RRAS2: variants seen among roughly 807,000 people sequenced by gnomAD.
RRAS2 encodes the protein ras-related protein R-Ras2.
RRAS2 carries 7 observed loss-of-function variants against 27.6 expected under a neutral mutation model. That is an observed-to-expected ratio of 0.25 (90% CI 0.14 to 0.48). RRAS2 has a LOEUF of 0.48. Ranked by LOEUF, RRAS2 falls within the 20% of genes least tolerant of loss-of-function variation. RRAS2 has a pLI of 0.99. For synonymous variants in RRAS2, 86 were observed against 90.9 expected, an observed-to-expected ratio of 0.95 and a Z score of 0.31; for missense variants, 178 against 256.2, an observed-to-expected ratio of 0.69 and a Z score of 2.08.
intron 1 of RRAS2, among the ~76,000 whole-genome samples, chr11:14,353,705 G>A (rs2030984709): frequency 6.6e-6 from 1 of 151,888 alleles, no homozygotes; most frequent in Admixed American, 6.6e-5. Flanking sequence ...AAGAGAAAGA[G>A]AATGAACAAA....
intron 5 of RRAS2, 92 bp downstream of exon 5, chr11:14,281,510 C>G (rs1849534890): frequency 1.0e-6 from 1 of 991,360 alleles, no homozygotes; most frequent in Non-Finnish European, 1.5e-6. Context: ...GCATTAATCC[C>G]TAGAAAGGAA....
intron 1 of RRAS2, among the ~76,000 whole-genome samples, chr11:14,304,587 C>T (rs1263391713): frequency 6.6e-6 from 1 of 152,218 alleles, no homozygotes; most frequent in Non-Finnish European, 1.5e-5. Flanking sequence ...GATTTACATG[C>T]TCAAGGTTTT....
chr11:14,336,087 T>C (rs1848583496), intron 1 of RRAS2, among the ~76,000 whole-genome samples: 2 of 152,132 alleles, frequency 1.3e-5, no homozygotes, highest in Admixed American at 1.3e-4. Context: ...AAGACTTTCA[T>C]CCCAACTGGC....
At chr11:14,329,112 T>C (rs1214728409) in intron 1 of RRAS2, among the ~76,000 whole-genome samples, 4 of 151,018 alleles carry the variant, frequency 2.6e-5, no homozygotes, top group African/African-American at 7.3e-5. Context: ...TATACATATA[T>C]ATATATATTT....
At chr11:14,314,168 T>C (rs1554949239) in intron 1 of RRAS2, among the ~76,000 whole-genome samples, 1 of 152,240 alleles carries the variant, frequency 6.6e-6, no homozygotes, top group East Asian at 1.9e-4. Context: ...GTTCAAATAA[T>C]GTCCATCATT....
intron 1 of RRAS2, among the ~76,000 whole-genome samples, chr11:14,346,227 T>G (rs1053708409): frequency 6.6e-6 from 1 of 152,164 alleles, no homozygotes; most frequent in African/African-American, 2.4e-5. Context: ...ATTAGCTAAC[T>G]TAAAACAATG....
chr11:14,329,580 G>A (rs142160795), intron 1 of RRAS2, among the ~76,000 whole-genome samples: 1 of 152,266 alleles, frequency 6.6e-6, no homozygotes, highest in South Asian at 2.1e-4. Flanking sequence ...TATATAAGCT[G>A]TAGGTCCCCT....
intron 1 of RRAS2, among the ~76,000 whole-genome samples, chr11:14,299,128 C>T (rs1591452768): frequency 1.3e-5 from 2 of 152,272 alleles, no homozygotes; most frequent in Admixed American, 1.3e-4. Context: ...CCAAGGCATG[C>T]TGATTAATAA....
At chr11:14,310,854 A>C (rs962424064) in intron 1 of RRAS2, among the ~76,000 whole-genome samples, 2 of 152,136 alleles carry the variant, frequency 1.3e-5, no homozygotes. Flanking sequence ...TCTAATTGTA[A>C]CCTATTGTGT....
chr11:14,323,106 C>T (rs1158333507), intron 1 of RRAS2, among the ~76,000 whole-genome samples: 1 of 152,036 alleles, frequency 6.6e-6, no homozygotes, highest in Non-Finnish European at 1.5e-5. Context: ...GAAGCACAGA[C>T]AAAATGGACA....
chr11:14,347,728 A>T (rs1035145451), intron 1 of RRAS2, among the ~76,000 whole-genome samples: 8 of 152,138 alleles, frequency 5.3e-5, no homozygotes, highest in Non-Finnish European at 1.2e-4. Flanking sequence ...AGGCAGGAAG[A>T]TCATTTCAGC....
At chr11:14,287,662 G>A (rs906017349) in intron 4 of RRAS2, among the ~76,000 whole-genome samples, 1 of 151,806 alleles carries the variant, frequency 6.6e-6, no homozygotes. Context: ...ACCTAAGGTC[G>A]GGAGCTCAAG....
At chr11:14,300,805 G>T (rs1193548764) in intron 1 of RRAS2, among the ~76,000 whole-genome samples, 1 of 152,088 alleles carries the variant, frequency 6.6e-6, no homozygotes, top group East Asian at 1.9e-4. Context: ...GAGAAAAAGG[G>T]GTGAGTTGCC....
rs906662806 is a variant in RRAS2 at position 14,333,137 on chromosome 11, T to C, written c.108+25626A>G. 1.8e-4 allele frequency among the ~76,000 whole-genome samples: 28 copies of C among 152,172 alleles called. 1 individual carries two copies. Among genetic ancestry groups the C allele is most frequent in the Middle Eastern group, 3.2e-3 (1 of 316 alleles). ...AGTATAAGCAACTTATGTCATCATA[T>C]ATATTTCTTAAATAATTTTTATAAG... is the stretch of plus-strand genomic sequence containing the variant. On this transcript the variant is annotated intron_variant, in intron 1 of 5. Coordinates refer to ENST00000256196, the MANE Select transcript of RRAS2 (RefSeq NM_012250.6).
chr11:14,289,133 T>C (rs370155919), intron 4 of RRAS2, among the ~76,000 whole-genome samples: 35 of 152,310 alleles, frequency 2.3e-4, no homozygotes, highest in African/African-American at 7.2e-4. Context: ...TGAGGAGGGG[T>C]TCTTTTTCCT....
At chr11:14,293,909 A>G (rs1847480746) in intron 4 of RRAS2, among the ~76,000 whole-genome samples, 1 of 152,248 alleles carries the variant, frequency 6.6e-6, no homozygotes, top group South Asian at 2.1e-4. Context: ...GGGTAAAGAA[A>G]CAAGTGAGAA....
intron 1 of RRAS2, among the ~76,000 whole-genome samples, chr11:14,333,350 A>G (rs1475349220): frequency 6.6e-6 from 1 of 152,204 alleles, no homozygotes; most frequent in South Asian, 2.1e-4. Context: ...GCTATTGATA[A>G]ATAACACTAA....
At chr11:14,308,088 T>C (rs1554948374) in intron 1 of RRAS2, 1 of 263,952 alleles carries the variant, frequency 3.8e-6, no homozygotes. Context: ...AAGGAATGAC[T>C]TCATGCATTA....
chr11:14,289,244 T>C (rs782344282), intron 4 of RRAS2, among the ~76,000 whole-genome samples: 43 of 152,150 alleles, frequency 2.8e-4, no homozygotes, highest in South Asian at 4.1e-4. Context: ...AGTTATTTTC[T>C]CAAATTAATA....
Sources: allele counts gnomAD v4.1 joint callset (sites outside exome capture counted in the v4.1 genomes callset), GRCh38; gene constraint gnomAD v4.1.1; transcripts MANE v1.5; gene names NCBI Gene and HGNC (gene_info 2026-07-23, HGNC 2026-07-21).